Variants in ANAPC10 observed in about 807,000 individuals in gnomAD.
The protein encoded by ANAPC10 is anaphase promoting complex subunit 10.
ANAPC10 carries 12 observed loss-of-function variants against 22.0 expected under a neutral mutation model. The observed-to-expected ratio is 0.55, with a 90% CI of 0.35 to 0.88. The LOEUF (loss-of-function observed/expected upper bound fraction) is 0.88, where lower values mean the gene tolerates loss of function less well. Among genes scored for constraint, ANAPC10 ranks in the 40% least tolerant of loss-of-function variants. ANAPC10 has a pLI of 0.01. For missense variants in ANAPC10, 188 were observed against 220.9 expected, an observed-to-expected ratio of 0.85 and a Z score of 0.94; for synonymous variants, 65 against 69.5, an observed-to-expected ratio of 0.94 and a Z score of 0.32.
At chr4:145,066,999 T>C (rs1275227868) in intron 3 of ANAPC10, among the ~76,000 whole-genome samples, 2 of 152,090 alleles carry the variant, frequency 1.3e-5, no homozygotes, top group East Asian at 3.8e-4. Flanking sequence ...CCATGAGTTA[T>C]TATCGTAAGG....
chr4:145,017,557 G>T (rs373557540), intron 4 of ANAPC10, among the ~76,000 whole-genome samples: 14 of 152,162 alleles, frequency 9.2e-5, no homozygotes, highest in African/African-American at 2.4e-4. Flanking sequence ...TGGAAGACAG[G>T]GTGGCAATTC....
chr4:145,060,843 T>A (rs1341823353), intron 4 of ANAPC10, among the ~76,000 whole-genome samples: 1 of 152,048 alleles, frequency 6.6e-6, no homozygotes, highest in East Asian at 1.9e-4. Context: ...AATAAAATCA[T>A]GATCTGCTTC....
chr4:145,010,615 T>A (rs544468857), intron 4 of ANAPC10, among the ~76,000 whole-genome samples: 2 of 151,868 alleles, frequency 1.3e-5, no homozygotes, highest in Non-Finnish European at 2.9e-5. Flanking sequence ...TAGATGGGAA[T>A]TGAACAATGA....
chr4:145,085,902 C>T (rs1224220274), intron 2 of ANAPC10, among the ~76,000 whole-genome samples: 3 of 150,986 alleles, frequency 2.0e-5, no homozygotes, highest in Admixed American at 6.6e-5. Flanking sequence ...CTCACTTTGC[C>T]GCCCAGGCTG....
chr4:145,057,680 T>C (rs1742256256), intron 4 of ANAPC10, among the ~76,000 whole-genome samples: 1 of 152,160 alleles, frequency 6.6e-6, no homozygotes, highest in Admixed American at 6.5e-5. Flanking sequence ...AGATACCAGA[T>C]ATCAGTGACC....
rs150536148 is a variant in ANAPC10, at chr4:145,085,500, T to C, written c.116-3750A>G. Among the ~76,000 whole-genome samples, 605 of 152,150 alleles carry C rather than the reference T, an allele frequency of 4.0e-3. 8 individuals are homozygous for C. The highest frequency in any genetic ancestry group is 0.013 in the African/African-American group (559 of 41,526). On this transcript the variant is annotated intron_variant, in intron 2 of 4. Transcript: ENST00000507656. The stretch of plus-strand genomic sequence containing the variant: ...TCTCCTCCATTTCACAACTTTATTA[T>C]GTATGTGCTCAAAGAGGTTCAAAGA...
At chr4:145,052,747 G>A (rs995573767) in intron 4 of ANAPC10, among the ~76,000 whole-genome samples, 4 of 152,018 alleles carry the variant, frequency 2.6e-5, no homozygotes, top group African/African-American at 9.7e-5. Flanking sequence ...AATTAGCCAG[G>A]TGTGGTGGTG....
chr4:145,020,902 G>A (rs1380583593), intron 4 of ANAPC10, among the ~76,000 whole-genome samples: 1 of 150,672 alleles, frequency 6.6e-6, no homozygotes, highest in African/African-American at 2.4e-5. Context: ...GGAGGCAAAA[G>A]ACCTCTACAA....
intron 4 of ANAPC10, among the ~76,000 whole-genome samples, chr4:145,054,590 G>T (rs1420397936): frequency 6.8e-6 from 1 of 146,664 alleles, no homozygotes; most frequent in South Asian, 2.2e-4. Context: ...ACAGGATGAG[G>T]GGACATACTG....
At chr4:145,085,274 T>C (rs1746695608) in intron 2 of ANAPC10, among the ~76,000 whole-genome samples, 1 of 152,034 alleles carries the variant, frequency 6.6e-6, no homozygotes. Flanking sequence ...AAAATAAAAA[T>C]AAAAATAACT....
intron 4 of ANAPC10, among the ~76,000 whole-genome samples, chr4:144,996,701 CG>C (rs1169855369): frequency 5.3e-5 from 8 of 152,158 alleles, no homozygotes; most frequent in Non-Finnish European, 1.0e-4. Context: ...TGCAGCTCCT[CG>C]CCAGCAACGG....
rs142716835 is a variant in ANAPC10 at position 145,066,938 on chromosome 4, C to T, written c.207-2246G>A. ...TTAGCTCATTCAATAGTCATTGATA[C>T]GAGTTTACAGTAATAGGTAGGTGTC... On this transcript the variant is annotated intron_variant, in intron 3 of 4. Coordinates refer to ENST00000507656, the MANE Select transcript of ANAPC10 (RefSeq NM_001256706.2). Among the ~76,000 whole-genome samples the T allele has an allele frequency of 8.5e-5, 13 of 152,162 alleles. 1 individual carries two copies. The East Asian group carries it at 1.3e-3, about 16-fold the overall frequency.
intron 1 of ANAPC10, chr4:145,097,195 C>G: frequency 3.0e-6 from 1 of 327,932 alleles, no homozygotes; most frequent in East Asian, 8.4e-5. Flanking sequence ...GAGCAAGACA[C>G]TGTCCCAAAA....
chr4:145,014,947 C>T (rs1312576687), intron 4 of ANAPC10, among the ~76,000 whole-genome samples: 1 of 152,114 alleles, frequency 6.6e-6, no homozygotes, highest in Admixed American at 6.5e-5. Flanking sequence ...TAGCCTTCAG[C>T]CCTAGACCTT....
intron 4 of ANAPC10, among the ~76,000 whole-genome samples, chr4:145,017,675 G>C (rs951569046): frequency 7.9e-5 from 12 of 152,126 alleles, no homozygotes; most frequent in African/African-American, 2.9e-4. Flanking sequence ...GCACACGTAT[G>C]TTTATTGCAG....
chr4:145,055,355 C>G (rs557602682), intron 4 of ANAPC10, among the ~76,000 whole-genome samples: 2 of 152,082 alleles, frequency 1.3e-5, no homozygotes, highest in South Asian at 2.1e-4. Flanking sequence ...GTCAGGAGTT[C>G]GAGACTAGCC....
At position 145,014,226 on chromosome 4, in the gene ANAPC10, C is replaced by T. The variant is rs145351782; in HGVS notation, c.328-18623G>A. ...GGTCTGCTTGCCCACTGCCTGGAAA[C>T]AGACTCAGTGCTGTTGGTGGGGGGC... is the stretch of plus-strand genomic sequence containing the variant. On this transcript the variant is annotated intron_variant, in intron 4 of 4. Coordinates refer to ENST00000507656, the MANE Select transcript of ANAPC10 (RefSeq NM_001256706.2). Among the ~76,000 whole-genome samples the T allele has an allele frequency of 1.6e-3, 248 of 152,208 alleles. 3 individuals carry two copies. The highest frequency in any genetic ancestry group is 5.6e-3 in the African/African-American group (231 of 41,504).
chr4:145,088,407 T>C (rs774138595), intron 2 of ANAPC10, among the ~76,000 whole-genome samples: 1 of 152,152 alleles, frequency 6.6e-6, no homozygotes, highest in African/African-American at 2.4e-5. Flanking sequence ...AAAATAGGCA[T>C]TGCAAAATTA....
intron 4 of ANAPC10, among the ~76,000 whole-genome samples, chr4:144,996,098 G>A (rs1480493733): frequency 6.6e-6 from 1 of 152,166 alleles, no homozygotes; most frequent in Non-Finnish European, 1.5e-5. Flanking sequence ...GACAGGGTTC[G>A]AGGTAGCTTG....
Sources: gnomAD v4.1 joint callset for allele counts (sites outside exome capture counted in the v4.1 genomes callset) on GRCh38, gnomAD v4.1.1 for gene constraint, MANE v1.5 for transcripts, NCBI Gene and HGNC (gene_info 2026-07-23, HGNC 2026-07-21) for gene names.